Variants in FMN2 observed in about 807,000 individuals in gnomAD.
FMN2 encodes formin-2.
FMN2 carries 51 observed loss-of-function variants against 142.3 expected under a neutral mutation model. The ratio of observed to expected loss-of-function variants is 0.36; its 90% CI spans 0.29 to 0.45. FMN2 has a LOEUF of 0.45. Ranked by LOEUF, FMN2 falls within the 20% of genes least tolerant of loss-of-function variation. The probability of loss-of-function intolerance (pLI) is 1.00; values close to 1 mark genes in which losing one functional copy is unlikely to be tolerated. For synonymous variants in FMN2, 882 were observed against 869.8 expected (o/e 1.01, Z -0.25); for missense variants, 1,936 against 2,122.8 (o/e 0.91, Z 1.73).
chr1:240,122,104 T>C (rs1179259516), intron 1 of FMN2, among the ~76,000 whole-genome samples: 2 of 127,128 alleles, frequency 1.6e-5, no homozygotes, highest in East Asian at 2.1e-4. Flanking sequence ...GAATTATTTT[T>C]TGAGACAGGC....
At chr1:240,099,291 T>C (rs938147759) in intron 1 of FMN2, among the ~76,000 whole-genome samples, 5 of 152,080 alleles carry the variant, frequency 3.3e-5, no homozygotes, top group Non-Finnish European at 5.9e-5. Flanking sequence ...AGATACTAGT[T>C]GAGCCCCAGT....
chr1:240,339,271 G>T (rs1671667943), intron 13 of FMN2, among the ~76,000 whole-genome samples: 1 of 152,084 alleles, frequency 6.6e-6, no homozygotes, highest in African/African-American at 2.4e-5. Flanking sequence ...ATGATAAGAT[G>T]TTTTGAGACA....
chr1:240,358,265 C>A (rs72767913), intron 14 of FMN2, among the ~76,000 whole-genome samples: 17 of 152,048 alleles, frequency 1.1e-4, no homozygotes, highest in African/African-American at 3.9e-4. Flanking sequence ...TTCTGCATTA[C>A]CTGGAAGACA....
intron 16 of FMN2, among the ~76,000 whole-genome samples, chr1:240,439,270 C>CAAAAAAAAAAAA (rs58234038): frequency 5.6e-4 from 57 of 101,226 alleles, no homozygotes; most frequent in African/African-American, 1.9e-3. Flanking sequence ...AAGGCTGTCT[C>CAAAAAAAAAAAA]AAAAAAAAAA....
intron 14 of FMN2, among the ~76,000 whole-genome samples, chr1:240,367,168 T>C (rs868277262): frequency 2.0e-5 from 3 of 152,186 alleles, no homozygotes; most frequent in Non-Finnish European, 4.4e-5. Context: ...TCACTTGCAT[T>C]TTCCTGATTA....
At chr1:240,342,573 C>G (rs1332706484) in intron 13 of FMN2, among the ~76,000 whole-genome samples, 2 of 152,118 alleles carry the variant, frequency 1.3e-5, no homozygotes, top group East Asian at 3.9e-4. Context: ...ATTACTGGAT[C>G]AAAGGTAATG....
At chr1:240,394,417 G>A (rs1673704923) in intron 15 of FMN2, among the ~76,000 whole-genome samples, 1 of 152,138 alleles carries the variant, frequency 6.6e-6, no homozygotes, top group Non-Finnish European at 1.5e-5. Flanking sequence ...AAATAGGTGA[G>A]GAAACTGGAG....
At chr1:240,446,772 A>G (rs939379533) in intron 16 of FMN2, among the ~76,000 whole-genome samples, 7 of 152,170 alleles carry the variant, frequency 4.6e-5, no homozygotes, top group African/African-American at 1.2e-4. Flanking sequence ...TAAGATAATC[A>G]AAAACGTAAG....
chr1:240,211,025 A>T (rs894934730), intron 5 of FMN2, 66 bp from the exon 6 acceptor site: 28 of 1,465,576 alleles, frequency 1.9e-5, no homozygotes, highest in Admixed American at 9.0e-5. Flanking sequence ...CTTCCTTTCT[A>T]TTTATGCTTG....
intron 6 of FMN2, among the ~76,000 whole-genome samples, chr1:240,237,509 A>G (rs1314784153): frequency 6.6e-6 from 1 of 151,986 alleles, no homozygotes; most frequent in East Asian, 1.9e-4. Context: ...CCTTCTCTGG[A>G]TTTTTCGAAA....
intron 2 of FMN2, among the ~76,000 whole-genome samples, chr1:240,137,984 G>A (rs1350772161): frequency 6.8e-6 from 1 of 147,382 alleles, no homozygotes; most frequent in Non-Finnish European, 1.5e-5. Context: ...AGAATCCCTT[G>A]AATCCGGGAG....
intron 15 of FMN2, among the ~76,000 whole-genome samples, chr1:240,430,105 C>T (rs1023788058): frequency 6.6e-6 from 1 of 151,974 alleles, no homozygotes; most frequent in African/African-American, 2.4e-5. Flanking sequence ...TCAGGATGGT[C>T]TGGATCTCCT....
chr1:240,333,042 C>T (rs967446782), intron 11 of FMN2, among the ~76,000 whole-genome samples: 18 of 152,042 alleles, frequency 1.2e-4, no homozygotes, highest in African/African-American at 4.1e-4. Flanking sequence ...TAGAAAAAAT[C>T]GTGGTTATAT....
chr1:240,251,237 T>G (rs1257637111), intron 6 of FMN2, among the ~76,000 whole-genome samples: 2 of 152,052 alleles, frequency 1.3e-5, no homozygotes, highest in Non-Finnish European at 2.9e-5. Flanking sequence ...TTAGTACTAG[T>G]TTTGTTGTAT....
chr1:240,194,947 ATT>A (rs3047199), intron 4 of FMN2, among the ~76,000 whole-genome samples: 67,003 of 151,406 alleles, frequency 0.44, 15,212 homozygotes, highest in Non-Finnish European at 0.47. Context: ...CTATCTCTAC[ATT>A]TTTTTTTTGT....
At chr1:240,220,117 C>G (rs536350947) in intron 6 of FMN2, among the ~76,000 whole-genome samples, 1 of 152,228 alleles carries the variant, frequency 6.6e-6, no homozygotes, top group African/African-American at 2.4e-5. Flanking sequence ...AATCCTCTCC[C>G]CAGTAAAACA....
At chr1:240,394,038 A>G (rs1245677843) in intron 15 of FMN2, among the ~76,000 whole-genome samples, 2 of 152,166 alleles carry the variant, frequency 1.3e-5, no homozygotes, top group Non-Finnish European at 2.9e-5. Flanking sequence ...AAGAAATGTA[A>G]CCATGTGTGG....
Position 240,144,356 on chromosome 1 carries a change from T to A in FMN2, c.1782+21011T>A, listed in dbSNP as rs1024142567. ...GTAGATGTCATCAGGCACCTTGGGC[T>A]CCATGATGTCCAGCTCCCGAGCTAA... On this transcript the variant is annotated intron_variant, in intron 2 of 17. Coordinates refer to ENST00000319653, the MANE Select transcript of FMN2 (RefSeq NM_020066.5). 1.1e-5 allele frequency: 17 copies of A among 1,606,190 alleles called. No homozygotes were observed. In the Admixed American group the frequency reaches 1.2e-4, roughly 11 times the overall value.
chr1:240,186,868 A>C (rs1214897679), intron 3 of FMN2, among the ~76,000 whole-genome samples: 1 of 152,126 alleles, frequency 6.6e-6, no homozygotes, highest in African/African-American at 2.4e-5. Flanking sequence ...GTAGCTTAAC[A>C]GTATGTTAAG....
Sources: allele counts gnomAD v4.1 joint callset (sites outside exome capture counted in the v4.1 genomes callset), GRCh38; gene constraint gnomAD v4.1.1; transcripts MANE v1.5; gene names NCBI Gene and HGNC (gene_info 2026-07-23, HGNC 2026-07-21).